The following PCDH15 variants were observed in gnomAD, a reference collection of about 807,000 sequenced individuals.
PCDH15 encodes protocadherin-15.
PCDH15 carries 129 observed loss-of-function variants against 178.5 expected under a neutral mutation model. The ratio of observed to expected loss-of-function variants is 0.72; its 90% CI spans 0.63 to 0.84. The LOEUF is 0.84. Ranked by LOEUF, PCDH15 falls within the 40% of genes least tolerant of loss-of-function variation. The probability of loss-of-function intolerance (pLI) is 0.00; values close to 1 mark genes in which losing one functional copy is unlikely to be tolerated. For synonymous variants in PCDH15, 800 were observed against 732.0 expected (o/e 1.09, Z -1.50); for missense variants, 2,230 against 2,099.9 (o/e 1.06, Z -1.21).
intron 2 of PCDH15, among the ~76,000 whole-genome samples, chr10:55,627,406 AC>A (rs563859927): frequency 5.4e-4 from 82 of 152,092 alleles, no homozygotes; most frequent in Non-Finnish European, 9.4e-4. Flanking sequence ...TTCCCCCAAC[AC>A]AAACACATAC....
rs552360793 is a variant in PCDH15 at position 55,522,852 on chromosome 10, GT to G, written c.-156+104772del. On this transcript the variant is annotated intron_variant, in intron 2 of 5. Transcript: ENST00000613346. The stretch of plus-strand genomic sequence containing the variant: ...ATTTATGATTACTATTTTGTTCATT[GT>G]TTTTTGACTGATTTGTAGTTTCTTT... 1.1e-3 allele frequency among the ~76,000 whole-genome samples: 165 copies of G among 151,192 alleles called. 4 individuals carry two copies. The highest frequency in any genetic ancestry group is 3.9e-3 in the African/African-American group (158 of 41,000).
intron 2 of PCDH15, among the ~76,000 whole-genome samples, chr10:55,344,277 T>C (rs374927474): frequency 6.6e-6 from 1 of 152,256 alleles, no homozygotes; most frequent in East Asian, 1.9e-4. Context: ...ATCAGAGTTA[T>C]ATAGATAGCC....
rs572435839 is a variant in PCDH15 at position 55,137,477 on chromosome 10, T to C, written c.-80+29099A>G. On this transcript the variant is annotated intron_variant, in intron 2 of 5. Coordinates refer to the PCDH15 transcript ENST00000458638. ...CATAATGTTTGCCCAGTGAGAAAGT[T>C]CCCCAATTACGCATTTCTCAGAACA... 2.9e-3 allele frequency among the ~76,000 whole-genome samples: 435 copies of C among 152,022 alleles called. 1 individual carries two copies. Among genetic ancestry groups the C allele is most frequent in the Non-Finnish European group, 4.8e-3 (326 of 67,952 alleles).
chr10:55,106,200 C>T (rs1489197120), intron 2 of PCDH15, among the ~76,000 whole-genome samples: 1 of 152,012 alleles, frequency 6.6e-6, no homozygotes, highest in Admixed American at 6.6e-5. Flanking sequence ...CTCTTTGTAA[C>T]TTGAAATTAG....
chr10:55,455,235 A>T (rs1241949018), intron 2 of PCDH15, among the ~76,000 whole-genome samples: 2 of 152,146 alleles, frequency 1.3e-5, no homozygotes, highest in Non-Finnish European at 2.9e-5. Context: ...CAAATAGACT[A>T]CACCCAAATA....
Position 54,066,834 on chromosome 10 carries a change from G to A in PCDH15, c.2143C>T (p.Pro715Ser). Residue 715 changes from proline to serine, a missense_variant, in exon 18 of 38, where the codon CCA becomes TCA. Physicochemically the swap from Pro to Ser is moderately conservative, Grantham distance 74. Coordinates refer to ENST00000644397, the MANE Select transcript of PCDH15 (RefSeq NM_001384140.1). The part of the protein sequence containing the change: ...IVVTDVNDNA[P>S]VFDPYLPRNL... ...CTTGGCAGATAAGGATCAAACACTG[G>A]AGCATTGTCATTGACATCTGTCACC... is the stretch of plus-strand genomic sequence containing the variant. 6.2e-7 allele frequency: 1 copy of A among 1,613,320 alleles called. No individual in the cohort carries two copies. Among genetic ancestry groups the A allele is most frequent in the Non-Finnish European group, 8.5e-7 (1 of 1,179,514 alleles).
At chr10:54,191,490 G>T (rs1023755529) in intron 11 of PCDH15, among the ~76,000 whole-genome samples, 4 of 152,178 alleles carry the variant, frequency 2.6e-5, no homozygotes, top group African/African-American at 9.7e-5. Flanking sequence ...ACGACAAGCA[G>T]TTGCCAAATG....
At chr10:55,036,000 C>T (rs960224928) in intron 2 of PCDH15, among the ~76,000 whole-genome samples, 2 of 152,018 alleles carry the variant, frequency 1.3e-5, no homozygotes, top group Non-Finnish European at 2.9e-5. Context: ...TGTGTCCCCC[C>T]AAAGGCATGT....
intron 3 of PCDH15, among the ~76,000 whole-genome samples, chr10:54,450,031 G>A (rs1043052527): frequency 5.9e-5 from 9 of 151,336 alleles, no homozygotes; most frequent in Non-Finnish European, 1.2e-4. Flanking sequence ...GTTGCAAATA[G>A]CGAGATGTGG....
intron 18 of PCDH15, among the ~76,000 whole-genome samples, chr10:54,059,400 A>C (rs1329341388): frequency 5.3e-5 from 8 of 152,218 alleles, no homozygotes; most frequent in Non-Finnish European, 1.0e-4. Context: ...ACCCAGCTTT[A>C]CCCTATTTAT....
chr10:54,114,295 A>G (rs1222356490), intron 15 of PCDH15, among the ~76,000 whole-genome samples: 1 of 152,188 alleles, frequency 6.6e-6, no homozygotes, highest in East Asian at 1.9e-4. Flanking sequence ...TTACAGAGTT[A>G]GTAAAAAACA....
chr10:54,592,169 T>C (rs2091928070), intron 2 of PCDH15, among the ~76,000 whole-genome samples: 1 of 152,194 alleles, frequency 6.6e-6, no homozygotes, highest in African/African-American at 2.4e-5. Context: ...AAAAGTGATA[T>C]TCAAACTAGC....
chr10:54,954,533 T>G (rs1292722470), intron 2 of PCDH15, among the ~76,000 whole-genome samples: 2 of 151,234 alleles, frequency 1.3e-5, no homozygotes, highest in African/African-American at 4.8e-5. Context: ...CTTGTCTTTC[T>G]CTATTTTCAA....
At chr10:53,918,966 C>T (rs1461524878) in intron 25 of PCDH15, among the ~76,000 whole-genome samples, 1 of 152,142 alleles carries the variant, frequency 6.6e-6, no homozygotes, top group Non-Finnish European at 1.5e-5. Flanking sequence ...CTTCTAGAAG[C>T]TGCCTGCTTG....
At chr10:54,058,715 C>T (rs2093953103) in intron 18 of PCDH15, among the ~76,000 whole-genome samples, 1 of 147,306 alleles carries the variant, frequency 6.8e-6, no homozygotes, top group African/African-American at 2.5e-5. Context: ...TTTTTTTAGA[C>T]CAAGTTTTGC....
intron 26 of PCDH15, among the ~76,000 whole-genome samples, chr10:53,888,081 A>G (rs1034702959): frequency 1.3e-5 from 2 of 151,624 alleles, no homozygotes; most frequent in Non-Finnish European, 2.9e-5. Context: ...AAGAGAATAT[A>G]TAGTTTAAAA....
At chr10:55,494,607 T>C (rs1392321518) in intron 2 of PCDH15, among the ~76,000 whole-genome samples, 1 of 151,774 alleles carries the variant, frequency 6.6e-6, no homozygotes, top group Non-Finnish European at 1.5e-5. Context: ...ATACTGGTTA[T>C]TTTCCTAGTG....
At chr10:55,255,114 C>G (rs1460749362) in intron 1 of PCDH15, among the ~76,000 whole-genome samples, 1 of 152,154 alleles carries the variant, frequency 6.6e-6, no homozygotes, top group Non-Finnish European at 1.5e-5. Flanking sequence ...CCCTCCACCC[C>G]ACAACAGGCC....
At chr10:53,884,232 T>C (rs758549532) in intron 26 of PCDH15, among the ~76,000 whole-genome samples, 2 of 152,012 alleles carry the variant, frequency 1.3e-5, no homozygotes, top group African/African-American at 2.4e-5. Flanking sequence ...TGAAAAGGAG[T>C]AAGAGACAGA....
Sources: allele counts gnomAD v4.1 joint callset (sites outside exome capture counted in the v4.1 genomes callset), GRCh38; gene constraint gnomAD v4.1.1; transcripts MANE v1.5; gene names NCBI Gene and HGNC (gene_info 2026-07-23, HGNC 2026-07-21).